ARHGAP20: variants seen among roughly 807,000 people sequenced by gnomAD.
ARHGAP20 encodes the protein Rho GTPase activating protein 20, also known as rho GTPase-activating protein 20.
In ARHGAP20, 34 loss-of-function variants were observed where a neutral mutation model predicts 73.7. The ratio of observed to expected loss-of-function variants is 0.46; its 90% CI spans 0.35 to 0.61. ARHGAP20 has a LOEUF of 0.61. Among genes scored for constraint, ARHGAP20 ranks in the 20% least tolerant of loss-of-function variants. The pLI, the probability that ARHGAP20 is intolerant of heterozygous loss-of-function variation, is 0.00. For missense variants in ARHGAP20, 1,314 were observed against 1,420.9 expected (o/e 0.92, Z 1.21); for synonymous variants, 523 against 518.2 (o/e 1.01, Z -0.13).
chr11:110,582,299 C>T, intron 14 of ARHGAP20, 22 bp downstream of exon 14: 13 of 1,562,328 alleles, frequency 8.3e-6, no homozygotes, highest in Non-Finnish European at 1.1e-5. Flanking sequence ...CTCACAAAAA[C>T]CAATCCAATT....
At chr11:110,592,860 CT>C (rs1947862763) in intron 9 of ARHGAP20, among the ~76,000 whole-genome samples, 1 of 152,010 alleles carries the variant, frequency 6.6e-6, no homozygotes, top group African/African-American at 2.4e-5. Context: ...CTTTTCAGTT[CT>C]TGACTTTAAA....
At chr11:110,704,700 C>T (rs1226212578) in intron 1 of ARHGAP20, among the ~76,000 whole-genome samples, 1 of 151,994 alleles carries the variant, frequency 6.6e-6, no homozygotes, top group Admixed American at 6.6e-5. Context: ...CAACTCTATC[C>T]GAGTTTGTTT....
intron 9 of ARHGAP20, among the ~76,000 whole-genome samples, chr11:110,594,593 C>A (rs1183195190): frequency 6.6e-6 from 1 of 152,102 alleles, no homozygotes; most frequent in Non-Finnish European, 1.5e-5. Context: ...AAAGCAGTTT[C>A]TTCCTGCTCT....
intron 2 of ARHGAP20, among the ~76,000 whole-genome samples, chr11:110,658,047 G>C (rs1211824056): frequency 6.6e-6 from 1 of 152,146 alleles, no homozygotes; most frequent in Admixed American, 6.6e-5. Flanking sequence ...GAGTCAGACA[G>C]ACCTGAGTTT....
At chr11:110,628,960 T>C (rs1260491042) in intron 3 of ARHGAP20, among the ~76,000 whole-genome samples, 2 of 152,108 alleles carry the variant, frequency 1.3e-5, no homozygotes, top group Admixed American at 6.5e-5. Flanking sequence ...GCTAACAGTA[T>C]ACAGCACAGT....
rs1172047715 is a variant in ARHGAP20 at position 110,590,081 on chromosome 11, A to C, written c.1305+567T>G. Among the ~76,000 whole-genome samples the C allele has an allele frequency of 9.4e-5, 14 of 149,540 alleles. No individual in the cohort carries two copies. In the Admixed American group the frequency reaches 9.5e-4, roughly 10 times the overall value. On this transcript the variant is annotated intron_variant, in intron 11 of 14. Transcript: ENST00000683387. ...GGTTGCAGTGAGCCGCAATCATGCCATTGCACTCCAGCCTGGCCGACAGAG... is the reference window on the plus strand; with the variant it reads ...GGTTGCAGTGAGCCGCAATCATGCCCTTGCACTCCAGCCTGGCCGACAGAG...
chr11:110,664,774 C>T (rs116813980), intron 2 of ARHGAP20, among the ~76,000 whole-genome samples: 2,730 of 149,768 alleles, frequency 0.018, 81 homozygotes, highest in African/African-American at 0.062. Flanking sequence ...ATTGTTTACA[C>T]TAGCAATAAA....
intron 2 of ARHGAP20, among the ~76,000 whole-genome samples, chr11:110,648,236 TG>T (rs1382560203): frequency 1.5e-4 from 14 of 93,510 alleles, no homozygotes; most frequent in African/African-American, 6.1e-4. Context: ...TATATATATA[TG>T]TAAATATATA....
At chr11:110,637,632 A>T (rs1277636266) in intron 2 of ARHGAP20, among the ~76,000 whole-genome samples, 1 of 152,136 alleles carries the variant, frequency 6.6e-6, no homozygotes, top group African/African-American at 2.4e-5. Context: ...TGTGCCAGGC[A>T]TAGGAACTAG....
chr11:110,578,856 T>A lies in ARHGAP20; in HGVS notation c.*514A>T. On this transcript the variant is annotated 3_prime_UTR_variant, in exon 15 of 15. Coordinates refer to ENST00000683387, the MANE Select transcript of ARHGAP20 (RefSeq NM_001384657.1). ...AGATCCCACAAAAATGGCCACTGGC[T>A]TAGATTTAGGGAAAGATTTTATATG... The A allele has an allele frequency of 1.0e-6, 1 of 985,890 alleles. No homozygotes were observed. The highest frequency in any genetic ancestry group is 4.7e-5 in the South Asian group (1 of 21,296). 61.1% of individuals were successfully genotyped at this position (985,890 alleles called of 1,614,324 possible).
intron 1 of ARHGAP20, chr11:110,691,003 G>C (rs1310776588): frequency 1.4e-5 from 21 of 1,527,060 alleles, no homozygotes; most frequent in African/African-American, 2.8e-5. Flanking sequence ...TGTCATCCGG[G>C]TAGATACTAC....
intron 1 of ARHGAP20, among the ~76,000 whole-genome samples, chr11:110,699,672 T>G (rs1950406425): frequency 6.6e-6 from 1 of 152,018 alleles, no homozygotes; most frequent in South Asian, 2.1e-4. Flanking sequence ...TTTTCTATTG[T>G]TGGTTTAAAG....
At chr11:110,641,162 T>C (rs928530345) in intron 2 of ARHGAP20, among the ~76,000 whole-genome samples, 8 of 151,860 alleles carry the variant, frequency 5.3e-5, no homozygotes, top group African/African-American at 1.7e-4. Flanking sequence ...ACATCAACAA[T>C]GATACTAATA....
At chr11:110,703,496 T>TATTCATTCATATATATGG (rs1409685966) in intron 1 of ARHGAP20, among the ~76,000 whole-genome samples, 1 of 152,062 alleles carries the variant, frequency 6.6e-6, no homozygotes, top group Non-Finnish European at 1.5e-5. Context: ...CATTCATATA[T>TATTCATTCATATATATGG]ATTCATTCAT....
At chr11:110,625,461 A>G (rs1948724053) in intron 3 of ARHGAP20, among the ~76,000 whole-genome samples, 1 of 152,220 alleles carries the variant, frequency 6.6e-6, no homozygotes, top group South Asian at 2.1e-4. Context: ...TCTAGCCTTT[A>G]GAAGCATAGG....
intron 1 of ARHGAP20, among the ~76,000 whole-genome samples, chr11:110,700,801 C>G (rs942421215): frequency 2.1e-5 from 3 of 142,290 alleles, no homozygotes; most frequent in Non-Finnish European, 3.0e-5. Flanking sequence ...CATGTGTTCT[C>G]ATTGTTCAAT....
At chr11:110,655,189 T>G (rs895588684) in intron 2 of ARHGAP20, among the ~76,000 whole-genome samples, 6 of 152,128 alleles carry the variant, frequency 3.9e-5, no homozygotes, top group Non-Finnish European at 8.8e-5. Context: ...GCCCAAAACA[T>G]CAGCAGAACA....
intron 2 of ARHGAP20, among the ~76,000 whole-genome samples, chr11:110,642,658 T>A (rs558955189): frequency 6.6e-6 from 1 of 152,260 alleles, no homozygotes; most frequent in East Asian, 1.9e-4. Context: ...GTGAATTAAC[T>A]TTTTGATTTG....
intron 9 of ARHGAP20, among the ~76,000 whole-genome samples, chr11:110,600,342 G>C (rs543431633): frequency 5.3e-5 from 8 of 152,368 alleles, no homozygotes; most frequent in Admixed American, 6.5e-5. Context: ...GCACCACTGT[G>C]TTCCCTAGTG....
Sources: gnomAD v4.1 joint callset for allele counts (sites outside exome capture counted in the v4.1 genomes callset) on GRCh38, gnomAD v4.1.1 for gene constraint, MANE v1.5 for transcripts, NCBI Gene and HGNC (gene_info 2026-07-23, HGNC 2026-07-21) for gene names.